Variants in MND1 observed in about 807,000 individuals in gnomAD.
The protein encoded by MND1 is meiotic nuclear divisions 1.
MND1 carries 28 observed loss-of-function variants against 35.1 expected under a neutral mutation model. That is an observed-to-expected ratio of 0.80 (90% CI 0.59 to 1.09). MND1 has a LOEUF of 1.09. MND1 is among the 50% of genes least tolerant of loss of function. The probability of loss-of-function intolerance (pLI) is 0.00; values close to 1 mark genes in which losing one functional copy is unlikely to be tolerated. For missense variants in MND1, 213 were observed against 239.6 expected (o/e 0.89, Z 0.73); for synonymous variants, 69 against 70.5 (o/e 0.98, Z 0.11).
At chr4:153,362,892 T>C in intron 4 of MND1, 1 of 530,162 alleles carries the variant, frequency 1.9e-6, no homozygotes, top group Non-Finnish European at 2.4e-6. Context: ...GGCTTACAGT[T>C]CCACCGCCTC....
intron 7 of MND1, among the ~76,000 whole-genome samples, chr4:153,413,137 A>G (rs1202475548): frequency 1.3e-5 from 2 of 152,150 alleles, no homozygotes; most frequent in Admixed American, 1.3e-4. Flanking sequence ...ATCTGTTTCA[A>G]TATAGTCACA....
intron 2 of MND1, among the ~76,000 whole-genome samples, chr4:153,352,500 G>C (rs1034862517): frequency 2.1e-4 from 32 of 152,204 alleles, no homozygotes; most frequent in African/African-American, 7.2e-4. Context: ...GATGATAATA[G>C]TACCCAGTTC....
At chr4:153,359,777 ATCTTTTT>A (rs1487397258) in intron 4 of MND1, among the ~76,000 whole-genome samples, 1 of 118,068 alleles carries the variant, frequency 8.5e-6, no homozygotes, top group Non-Finnish European at 1.7e-5. Flanking sequence ...GATTTGGAAG[ATCTTTTT>A]TTTTTTTTTT....
chr4:153,401,998 T>G (rs1229021950), intron 6 of MND1, among the ~76,000 whole-genome samples: 2 of 152,020 alleles, frequency 1.3e-5, no homozygotes, highest in Admixed American at 1.3e-4. Context: ...CTATTAAAAA[T>G]ACAACAATTA....
chr4:153,412,316 G>A (rs1027098965), intron 7 of MND1, among the ~76,000 whole-genome samples: 5 of 152,160 alleles, frequency 3.3e-5, no homozygotes, highest in South Asian at 2.1e-4. Context: ...TAGAGATGCC[G>A]CAACAAAACA....
intron 1 of MND1, among the ~76,000 whole-genome samples, chr4:153,348,493 T>G (rs1432574545): frequency 6.6e-6 from 1 of 152,082 alleles, no homozygotes; most frequent in Non-Finnish European, 1.5e-5. Flanking sequence ...GATAAGATAT[T>G]AGGAGATGGG....
At chr4:153,410,438 T>C (rs1282750261) in intron 7 of MND1, among the ~76,000 whole-genome samples, 4 of 152,168 alleles carry the variant, frequency 2.6e-5, no homozygotes, top group Non-Finnish European at 5.9e-5. Flanking sequence ...ACATGTGTTA[T>C]GCAAAGACAG....
At chr4:153,356,552 C>CAA (rs34763120) in intron 3 of MND1, among the ~76,000 whole-genome samples, 7,697 of 59,634 alleles carry the variant, frequency 0.13, 1,679 homozygotes, top group African/African-American at 0.21. Context: ...AACTCAGTCT[C>CAA]AAAAAAAAAA....
intron 7 of MND1, among the ~76,000 whole-genome samples, chr4:153,412,050 T>C (rs952249315): frequency 2.0e-5 from 3 of 152,222 alleles, no homozygotes; most frequent in Non-Finnish European, 4.4e-5. Context: ...ATTTTAACAT[T>C]CTCTCTTAGG....
At chr4:153,390,923 G>GTGTA (rs1561073011) in intron 4 of MND1, among the ~76,000 whole-genome samples, 2 of 130,894 alleles carry the variant, frequency 1.5e-5, no homozygotes, top group Admixed American at 7.7e-5. Context: ...GTGTATATGT[G>GTGTA]TGTGTGTGTG....
chr4:153,370,246 C>CGCTCCAGCCTGGGTAACACAGCCGG (rs1357835518), intron 4 of MND1, among the ~76,000 whole-genome samples: 30 of 151,970 alleles, frequency 2.0e-4, no homozygotes, highest in Admixed American at 4.6e-4. Flanking sequence ...CACACCACTG[C>CGCTCCAGCCTGGGTAACACAGCCGG]GCTCCAGCCT....
At chr4:153,344,886 AG>A in intron 1 of MND1, 146 bp downstream of exon 1, 1 of 1,362,078 alleles carries the variant, frequency 7.3e-7, no homozygotes, top group Admixed American at 2.6e-5. Flanking sequence ...CTCACCGTGT[AG>A]GGGCCCAGCC....
intron 2 of MND1, among the ~76,000 whole-genome samples, chr4:153,354,938 G>C (rs1272700739): frequency 2.0e-5 from 3 of 152,248 alleles, no homozygotes; most frequent in African/African-American, 7.2e-5. Flanking sequence ...TGAGACGGGA[G>C]GATTGCTTGA....
At chr4:153,369,010 TATA>T (rs2149639405) in intron 4 of MND1, among the ~76,000 whole-genome samples, 1 of 152,330 alleles carries the variant, frequency 6.6e-6, no homozygotes, top group Non-Finnish European at 1.5e-5. Context: ...TTATGTGAGG[TATA>T]GTCAAACTGT....
intron 6 of MND1, among the ~76,000 whole-genome samples, chr4:153,405,902 T>A (rs1172123672): frequency 6.6e-6 from 1 of 152,084 alleles, no homozygotes; most frequent in African/African-American, 2.4e-5. Context: ...CCTCCCGGGT[T>A]CAGGCCATTC....
intron 1 of MND1, chr4:153,345,332 A>G: frequency 1.0e-6 from 1 of 985,484 alleles, no homozygotes; most frequent in Non-Finnish European, 1.2e-6. Flanking sequence ...TACCTAATGG[A>G]TCTTCACTGT....
chr4:153,407,048 C>T (rs558904099), intron 6 of MND1, among the ~76,000 whole-genome samples: 37 of 152,344 alleles, frequency 2.4e-4, no homozygotes, highest in Non-Finnish European at 2.9e-4. Flanking sequence ...AATTCAATCA[C>T]CTCCCACTGG....
intron 4 of MND1, chr4:153,382,067 T>G (rs1468209048): frequency 2.0e-5 from 3 of 152,118 alleles, no homozygotes; most frequent in Non-Finnish European, 4.4e-5. Context: ...GTGCTTTTTT[T>G]CATTTAAAGT....
chr4:153,349,906 G>A (rs927035800), intron 1 of MND1, among the ~76,000 whole-genome samples, 158 bp from the exon 2 acceptor site: 1 of 152,186 alleles, frequency 6.6e-6, no homozygotes. Flanking sequence ...ACAGTGGTTG[G>A]CAGATAGTAA....
Sources: gnomAD v4.1 joint callset for allele counts (sites outside exome capture counted in the v4.1 genomes callset) on GRCh38, gnomAD v4.1.1 for gene constraint, MANE v1.5 for transcripts, NCBI Gene and HGNC (gene_info 2026-07-23, HGNC 2026-07-21) for gene names.